The following PKN2 variants were observed in gnomAD, a reference collection of about 807,000 sequenced individuals.
PKN2 encodes the protein protein kinase N2.
Under a neutral mutation model 119.1 loss-of-function variants are expected in PKN2, and 38 were observed. The ratio of observed to expected loss-of-function variants is 0.32; its 90% CI spans 0.25 to 0.42. PKN2 has a LOEUF of 0.42. PKN2 is among the 10% of genes least tolerant of loss of function. PKN2 has a pLI of 1.00. For synonymous variants in PKN2, 390 were observed against 384.9 expected, an observed-to-expected ratio of 1.01 and a Z score of -0.15; for missense variants, 850 against 1,165.1, an observed-to-expected ratio of 0.73 and a Z score of 3.94.
intron 8 of PKN2, among the ~76,000 whole-genome samples, chr1:88,799,155 T>TA (rs1384148394): frequency 6.6e-6 from 1 of 152,228 alleles, no homozygotes; most frequent in Non-Finnish European, 1.5e-5. Context: ...GCATAGTTGA[T>TA]AGAGCATAGC....
rs1670381276 is a variant in PKN2, at chr1:88,782,388, T to C, written c.986-2251T>C. On this transcript the variant is annotated intron_variant, in intron 6 of 21. Transcript: ENST00000370521. The stretch of plus-strand genomic sequence containing the variant: ...ATGTGGAGAATTCATGGCCTTTTTT[T>C]TTTCTAATACATTTTGTGTCTCCGA... Among the ~76,000 whole-genome samples the C allele has an allele frequency of 2.0e-5, 3 of 152,150 alleles. No individual in the cohort carries two copies. The South Asian group carries it at 6.2e-4, about 31-fold the overall frequency.
chr1:88,745,664 C>A (rs1316876979), intron 2 of PKN2, among the ~76,000 whole-genome samples: 1 of 152,002 alleles, frequency 6.6e-6, no homozygotes, highest in African/African-American at 2.4e-5. Flanking sequence ...TCCATACTAC[C>A]CAATGTGATC....
intron 1 of PKN2, among the ~76,000 whole-genome samples, chr1:88,715,610 G>A (rs947693942): frequency 1.3e-5 from 2 of 152,094 alleles, no homozygotes; most frequent in Non-Finnish European, 2.9e-5. Flanking sequence ...GATCGGTGGT[G>A]ATACCTGTAT....
intron 2 of PKN2, among the ~76,000 whole-genome samples, chr1:88,747,766 A>G (rs1668826724): frequency 6.6e-6 from 1 of 152,068 alleles, no homozygotes; most frequent in Non-Finnish European, 1.5e-5. Flanking sequence ...TTTCTTCAAT[A>G]TTTGAAATAT....
chr1:88,806,338 T>A (rs937239764), intron 12 of PKN2: 2 of 288,956 alleles, frequency 6.9e-6, no homozygotes, highest in African/African-American at 4.5e-5. Flanking sequence ...CCTGGCTAAT[T>A]TTTGTATTTT....
In PKN2 at chr1:88,807,509, AT is replaced by A. The variant is rs1557625734; in HGVS notation, c.1935-18del. On this transcript the variant is annotated intron_variant, in intron 13 of 21. Coordinates refer to ENST00000370521, the MANE Select transcript of PKN2 (RefSeq NM_006256.4). ...ACCATACTTTATTGTCTTATTATTAATTGAAATTTCTCTTTTCAGATCTCAG... is the reference window on the plus strand; with the variant it reads ...ACCATACTTTATTGTCTTATTATTAATGAAATTTCTCTTTTCAGATCTCAG... 1.2e-6 allele frequency: 2 copies of A among 1,604,822 alleles called. No individual in the cohort carries two copies. Among genetic ancestry groups the A allele is most frequent in the Admixed American group, 3.4e-5 (2 of 58,472 alleles).
intron 16 of PKN2, chr1:88,815,502 T>G (rs1353314914): frequency 3.5e-6 from 1 of 286,796 alleles, no homozygotes. Flanking sequence ...TTGTCTATCT[T>G]ATTTCACTTA....
chr1:88,802,305 T>C (rs1228842455), intron 8 of PKN2, among the ~76,000 whole-genome samples: 1 of 152,124 alleles, frequency 6.6e-6, no homozygotes, highest in Non-Finnish European at 1.5e-5. Context: ...ATCTCAGATC[T>C]GTAACATACT....
intron 1 of PKN2, among the ~76,000 whole-genome samples, chr1:88,736,323 T>C (rs1668347702): frequency 6.6e-6 from 1 of 152,160 alleles, no homozygotes; most frequent in Non-Finnish European, 1.5e-5. Flanking sequence ...TGCCTTATTT[T>C]GTTTGTTGCA....
At chr1:88,709,179 G>C (rs1214662287) in intron 1 of PKN2, among the ~76,000 whole-genome samples, 1 of 151,528 alleles carries the variant, frequency 6.6e-6, no homozygotes, top group South Asian at 2.1e-4. Flanking sequence ...TCAGCCTCCC[G>C]AGTAGCTGGG....
chr1:88,688,242 C>G (rs1349418725), intron 1 of PKN2, among the ~76,000 whole-genome samples: 3 of 152,142 alleles, frequency 2.0e-5, no homozygotes, highest in Non-Finnish European at 4.4e-5. Flanking sequence ...CCTGCCACCA[C>G]ACCCGGCTAA....
At chr1:88,804,658 A>G (rs1199194880) in intron 9 of PKN2, 124 bp downstream of exon 9, 9 of 912,822 alleles carry the variant, frequency 9.9e-6, no homozygotes, top group Middle Eastern at 2.5e-4. Flanking sequence ...TGGCTGAGCT[A>G]TGCCACTGAA....
chr1:88,730,198 A>G (rs984814520), intron 1 of PKN2, among the ~76,000 whole-genome samples: 2 of 152,060 alleles, frequency 1.3e-5, no homozygotes, highest in African/African-American at 2.4e-5. Context: ...TATATGGCCT[A>G]CAGGGCCCTA....
chr1:88,764,218 A>G (rs1436778335), intron 3 of PKN2, among the ~76,000 whole-genome samples: 1 of 151,880 alleles, frequency 6.6e-6, no homozygotes, highest in East Asian at 1.9e-4. Flanking sequence ...TAGCAAGCAC[A>G]CTCTTACCTC....
In PKN2 at chr1:88,741,062, G is replaced by A. The variant is rs914135498; in HGVS notation, c.123G>A (p.Val41=). The change falls in exon 2 of 22, where the codon GTG becomes GTA. Residue 41 remains valine (V), a synonymous_variant. Coordinates refer to ENST00000370521, the MANE Select transcript of PKN2 (RefSeq NM_006256.4). The part of the protein sequence containing the change: ...VQKLDFSDTM[V]QQKLDDIKDR... Reference sequence around the variant, plus strand: ...AATTAGACTTTTCAGATACAATGGTGCAGCAGAAATTGGATGATATCAAGG... The same window carrying A: ...AATTAGACTTTTCAGATACAATGGTACAGCAGAAATTGGATGATATCAAGG... 1.9e-6 allele frequency: 3 copies of A among 1,607,862 alleles called. No homozygotes were observed. The highest frequency in any genetic ancestry group is 2.5e-6 in the Non-Finnish European group (3 of 1,177,830).
chr1:88,802,129 T>G (rs1671338979), intron 8 of PKN2, among the ~76,000 whole-genome samples: 1 of 152,192 alleles, frequency 6.6e-6, no homozygotes, highest in African/African-American at 2.4e-5. Flanking sequence ...TGATAGTTGA[T>G]AGGAGGCTTT....
At chr1:88,742,078 T>C (rs1668598420) in intron 2 of PKN2, among the ~76,000 whole-genome samples, 1 of 152,100 alleles carries the variant, frequency 6.6e-6, no homozygotes, top group South Asian at 2.1e-4. Context: ...TCTATAACTT[T>C]TCATACAAAA....
At chr1:88,790,188 G>A (rs1670760132) in intron 8 of PKN2, among the ~76,000 whole-genome samples, 1 of 152,096 alleles carries the variant, frequency 6.6e-6, no homozygotes, top group African/African-American at 2.4e-5. Context: ...CTATCATCTT[G>A]AGAACTCTCT....
chr1:88,707,196 A>AT (rs901918878), intron 1 of PKN2, among the ~76,000 whole-genome samples: 2 of 151,848 alleles, frequency 1.3e-5, no homozygotes, highest in African/African-American at 2.4e-5. Context: ...TTTACATTGT[A>AT]TTTTTTTAAA....
Sources: gnomAD v4.1 joint callset for allele counts (sites outside exome capture counted in the v4.1 genomes callset) on GRCh38, gnomAD v4.1.1 for gene constraint, MANE v1.5 for transcripts, NCBI Gene and HGNC (gene_info 2026-07-23, HGNC 2026-07-21) for gene names.